MECOM: variants seen among roughly 807,000 people sequenced by gnomAD.
MECOM encodes histone-lysine N-methyltransferase MECOM.
MECOM carries 13 observed loss-of-function variants against 116.3 expected under a neutral mutation model. The ratio of observed to expected loss-of-function variants is 0.11; its 90% CI spans 0.07 to 0.18. MECOM has a LOEUF of 0.18. MECOM is among the 10% of genes least tolerant of loss of function. The probability of loss-of-function intolerance (pLI) is 1.00; values close to 1 mark genes in which losing one functional copy is unlikely to be tolerated. For missense variants in MECOM, 1,299 were observed against 1,509.0 expected (o/e 0.86, Z 2.31); for synonymous variants, 528 against 535.2 (o/e 0.99, Z 0.19).
chr3:169,224,043 G>A (rs927437915), intron 2 of MECOM, among the ~76,000 whole-genome samples: 6 of 152,176 alleles, frequency 3.9e-5, no homozygotes, highest in African/African-American at 9.7e-5. Context: ...GTTGACTACC[G>A]TGCCCTAGGT....
chr3:169,550,301 G>A (rs1761218928), intron 1 of MECOM, among the ~76,000 whole-genome samples: 1 of 152,164 alleles, frequency 6.6e-6, no homozygotes, highest in Non-Finnish European at 1.5e-5. Flanking sequence ...CACCTGGACA[G>A]GCTCCTGAAA....
intron 1 of MECOM, among the ~76,000 whole-genome samples, chr3:169,574,596 A>G (rs1197755622): frequency 6.6e-6 from 1 of 152,200 alleles, no homozygotes; most frequent in Non-Finnish European, 1.5e-5. Flanking sequence ...TTGTGACGGT[A>G]CTTTAGAGCA....
chr3:169,440,408 G>C (rs1162162428), intron 1 of MECOM, among the ~76,000 whole-genome samples: 1 of 152,150 alleles, frequency 6.6e-6, no homozygotes, highest in Non-Finnish European at 1.5e-5. Context: ...AGGTTTCATG[G>C]AGGAAGCCTT....
chr3:169,205,981 T>G (rs1319780923), intron 2 of MECOM, among the ~76,000 whole-genome samples: 5 of 152,184 alleles, frequency 3.3e-5, no homozygotes, highest in African/African-American at 4.8e-5. Context: ...GCATCTTCCC[T>G]TAGAAACAAC....
chr3:169,535,316 C>T (rs1211542043), intron 1 of MECOM, among the ~76,000 whole-genome samples: 6 of 152,094 alleles, frequency 3.9e-5, no homozygotes, highest in Admixed American at 3.9e-4. Context: ...CCCAAGAGTC[C>T]TATTCATTCT....
At chr3:169,607,949 T>C (rs1019879701) in intron 1 of MECOM, among the ~76,000 whole-genome samples, 20 of 152,328 alleles carry the variant, frequency 1.3e-4, no homozygotes, top group African/African-American at 4.6e-4. Context: ...TCTCCATTCT[T>C]TTCAACCTGA....
At chr3:169,414,061 G>C (rs574443016) in intron 1 of MECOM, among the ~76,000 whole-genome samples, 42 of 152,334 alleles carry the variant, frequency 2.8e-4, no homozygotes, top group African/African-American at 8.2e-4. Flanking sequence ...GCCTCCTCAA[G>C]TGGGTCCCAG....
At chr3:169,395,112 A>G (rs900745128) in intron 1 of MECOM, among the ~76,000 whole-genome samples, 3 of 152,204 alleles carry the variant, frequency 2.0e-5, no homozygotes, top group Admixed American at 1.3e-4. Context: ...TGAGTCACAA[A>G]AAGATCATGC....
At chr3:169,293,689 G>T (rs912561949) in intron 2 of MECOM, among the ~76,000 whole-genome samples, 15 of 152,138 alleles carry the variant, frequency 9.9e-5, no homozygotes, top group African/African-American at 3.6e-4. Context: ...ATAGTTATTT[G>T]TTTCTGTATT....
chr3:169,209,909 T>C (rs1470993178), intron 2 of MECOM, among the ~76,000 whole-genome samples: 1 of 152,188 alleles, frequency 6.6e-6, no homozygotes, highest in East Asian at 1.9e-4. Flanking sequence ...CACATGTATG[T>C]TTATTGCAGC....
At chr3:169,318,167 C>A (rs1314224868) in intron 2 of MECOM, among the ~76,000 whole-genome samples, 1 of 152,026 alleles carries the variant, frequency 6.6e-6, no homozygotes. Flanking sequence ...CCATAAAAAC[C>A]CTAGAAGAAA....
intron 1 of MECOM, among the ~76,000 whole-genome samples, chr3:169,545,012 A>G (rs888195859): frequency 6.6e-6 from 1 of 152,206 alleles, no homozygotes; most frequent in Non-Finnish European, 1.5e-5. Flanking sequence ...CGTTCTGCAC[A>G]TGTATCCTGG....
chr3:169,631,401 G>C (rs1024278307), intron 1 of MECOM, among the ~76,000 whole-genome samples: 2 of 152,134 alleles, frequency 1.3e-5, no homozygotes, highest in Non-Finnish European at 2.9e-5. Context: ...GCTAAATTCT[G>C]TTATCTGATG....
chr3:169,255,351 A>G (rs1756739906), intron 2 of MECOM, among the ~76,000 whole-genome samples: 1 of 152,094 alleles, frequency 6.6e-6, no homozygotes, highest in Non-Finnish European at 1.5e-5. Context: ...AAACAATACA[A>G]AACAAAACCT....
chr3:169,424,358 T>C (rs1740291862), intron 1 of MECOM, among the ~76,000 whole-genome samples: 1 of 152,158 alleles, frequency 6.6e-6, no homozygotes, highest in African/African-American at 2.4e-5. Flanking sequence ...TTTATGGTAG[T>C]AAAACTTCAG....
intron 1 of MECOM, among the ~76,000 whole-genome samples, chr3:169,490,169 A>G (rs1361881942): frequency 1.3e-5 from 2 of 152,236 alleles, no homozygotes; most frequent in Non-Finnish European, 2.9e-5. Context: ...TCAAAAATTA[A>G]TAAATCTGAT....
intron 2 of MECOM, among the ~76,000 whole-genome samples, chr3:169,160,139 C>G (rs923281904): frequency 6.6e-6 from 1 of 152,022 alleles, no homozygotes; most frequent in Non-Finnish European, 1.5e-5. Context: ...ACTCAGGCAG[C>G]AATTTGCTTC....
intron 1 of MECOM, among the ~76,000 whole-genome samples, chr3:169,507,650 CTTTTTTTTTTTTTT>C (rs1165167849): frequency 3.1e-4 from 18 of 57,152 alleles, no homozygotes; most frequent in African/African-American, 1.1e-3. Context: ...TCCCCACTTG[CTTTTTTTTTTTTTT>C]TTTTTTTTTT....
intron 2 of MECOM, among the ~76,000 whole-genome samples, chr3:169,233,378 G>A (rs984144657): frequency 6.6e-6 from 1 of 152,106 alleles, no homozygotes; most frequent in Non-Finnish European, 1.5e-5. Flanking sequence ...GAAACAGGAG[G>A]TATATGCAGT....
Sources: gnomAD v4.1 joint callset for allele counts (sites outside exome capture counted in the v4.1 genomes callset) on GRCh38, gnomAD v4.1.1 for gene constraint, MANE v1.5 for transcripts, NCBI Gene and HGNC (gene_info 2026-07-23, HGNC 2026-07-21) for gene names.